C5: variants seen among roughly 807,000 people sequenced by gnomAD.
C5 encodes complement C5, also known as C3 and PZP-like alpha-2-macroglobulin domain-containing protein 4.
In C5, 140 loss-of-function variants were observed where a neutral mutation model predicts 218.8. That is an observed-to-expected ratio of 0.64 (90% CI 0.56 to 0.74). The LOEUF is 0.74. Ranked by LOEUF, C5 falls within the 30% of genes least tolerant of loss-of-function variation. The pLI is 0.00. For synonymous variants in C5, 614 were observed against 682.3 expected (o/e 0.90, Z 1.56); for missense variants, 1,700 against 1,969.6 (o/e 0.86, Z 2.59).
At chr9:121,041,354 G>GAGTGCAGTGGCTTGA (rs2047578938) in intron 3 of C5, among the ~76,000 whole-genome samples, 1 of 126,752 alleles carries the variant, frequency 7.9e-6, no homozygotes, top group African/African-American at 3.1e-5. Context: ...GCCCAGGCTG[G>GAGTGCAGTGGCTTGA]AGTGCAGTGG....
At chr9:121,047,417 A>G (rs542266780) in intron 1 of C5, among the ~76,000 whole-genome samples, 18 of 152,358 alleles carry the variant, frequency 1.2e-4, no homozygotes, top group African/African-American at 4.1e-4. Context: ...TTTTATTTAA[A>G]AACTTACAAA....
At chr9:120,975,041 TC>T in intron 29 of C5, 110 bp from the exon 30 acceptor site, 1 of 1,226,130 alleles carries the variant, frequency 8.2e-7, no homozygotes. Context: ...GAGATGAAAC[TC>T]CAGCTGACTC....
At chr9:120,990,841 AG>A (rs1402692163) in intron 23 of C5, among the ~76,000 whole-genome samples, 2 of 152,248 alleles carry the variant, frequency 1.3e-5, no homozygotes, top group Admixed American at 1.3e-4. Flanking sequence ...GGCCATGTGC[AG>A]GCCATAGGCC....
chr9:120,952,487 A>G lies in C5; in HGVS notation c.*252T>C. ...AGTGGTAGGTTTGAGGAGGTGTTCC[A>G]ATTTATTGTTTCCGGTGTCCAATAA... On this transcript the variant is annotated 3_prime_UTR_variant, in exon 41 of 41. Coordinates refer to ENST00000223642, the MANE Select transcript of C5 (RefSeq NM_001735.3). 4.9e-6 allele frequency: 2 copies of G among 405,050 alleles called. No homozygotes were observed. The highest frequency in any genetic ancestry group is 4.7e-6 in the Non-Finnish European group (1 of 214,990). 25.1% of individuals were successfully genotyped at this position (405,050 alleles called of 1,614,324 possible).
intron 3 of C5, among the ~76,000 whole-genome samples, chr9:121,039,292 T>G (rs1200635600): frequency 6.6e-6 from 1 of 152,224 alleles, no homozygotes; most frequent in Non-Finnish European, 1.5e-5. Flanking sequence ...TAATCTTGTC[T>G]TCACAGCGAT....
chr9:120,959,932 T>C (rs1464962517), intron 38 of C5, among the ~76,000 whole-genome samples: 3 of 152,228 alleles, frequency 2.0e-5, no homozygotes, highest in Non-Finnish European at 4.4e-5. Flanking sequence ...AGAACTGAAA[T>C]CTTATACCTC....
At chr9:120,967,704 T>G (rs2046879141) in intron 33 of C5, among the ~76,000 whole-genome samples, 1 of 152,000 alleles carries the variant, frequency 6.6e-6, no homozygotes, top group African/African-American at 2.4e-5. Flanking sequence ...TTCAAATACC[T>G]ACATATTCTT....
chr9:121,041,296 C>T (rs1457512193), intron 3 of C5, among the ~76,000 whole-genome samples: 1 of 38,598 alleles, frequency 2.6e-5, no homozygotes, highest in Admixed American at 3.3e-4. Context: ...ATACATGAAG[C>T]CTTTTTTTTT....
intron 22 of C5, among the ~76,000 whole-genome samples, chr9:120,991,980 A>C (rs2047080100): frequency 6.6e-6 from 1 of 152,220 alleles, no homozygotes; most frequent in Non-Finnish European, 1.5e-5. Flanking sequence ...AAGGTCCCAG[A>C]AACAATACAA....
intron 4 of C5, among the ~76,000 whole-genome samples, chr9:121,035,988 T>G (rs989745658): frequency 6.6e-6 from 1 of 151,748 alleles, no homozygotes; most frequent in African/African-American, 2.4e-5. Context: ...AGTTTGAGGC[T>G]ACAGTGAGCT....
At chr9:120,980,314 G>T in intron 27 of C5, 60 bp from the exon 28 acceptor site, 1 of 1,435,660 alleles carries the variant, frequency 7.0e-7, no homozygotes, top group South Asian at 1.1e-5. Context: ...CAATTGATAT[G>T]AACTACCCTC....
intron 39 of C5, among the ~76,000 whole-genome samples, chr9:120,954,851 C>T (rs553199643): frequency 1.7e-4 from 26 of 152,328 alleles, no homozygotes; most frequent in African/African-American, 5.3e-4. Flanking sequence ...TCTTAGGCTG[C>T]CCTGATGGTG....
Position 121,025,526 on chromosome 9 carries a change from G to A in C5, c.928C>T (p.Leu310=), listed in dbSNP as rs375870111. The A allele has an allele frequency of 1.6e-4, 263 of 1,612,668 alleles. 1 individual carries two copies. Among genetic ancestry groups the A allele is most frequent in the Non-Finnish European group, 2.0e-4 (236 of 1,179,606 alleles). ...TFDSETAVKE[L]SYYSLEDLNN... is the part of the protein sequence containing the mutation. ...AAATCTTCTAAACTGTAGTATGACA[G>A]TTCTTTGACTGCTGTTTCAGAATCA... The change falls in exon 9 of 41, where the codon CTG becomes TTG. Residue 310 remains leucine, a synonymous_variant. Transcript: ENST00000223642.
intron 7 of C5, among the ~76,000 whole-genome samples, chr9:121,028,372 C>T (rs539447349): frequency 4.6e-5 from 7 of 152,310 alleles, no homozygotes; most frequent in Admixed American, 2.0e-4. Flanking sequence ...ATAAATCATG[C>T]TGCTATAAAG....
rs369015641 is a variant in C5, at chr9:121,032,192, A to G, written c.588T>C (p.Tyr196=). 8 of 1,578,310 alleles carry G rather than the reference A, an allele frequency of 5.1e-6. No individual in the cohort carries two copies. Among genetic ancestry groups the G allele is most frequent in the African/African-American group, 1.3e-5 (1 of 74,286 alleles). ...ATTTAGCCTTGATCGTCCACATACC[A>G]TATCTGTGGAAGCAAAATATTTAAA... ...PDFKIPSNPR[Y]GMWTIKAKYK... The change falls in exon 6 of 41, where the codon TAT becomes TAC. Residue 196 remains tyrosine (Y), a synonymous_variant. Transcript: ENST00000223642.
chr9:121,009,575 A>G (rs2047244682), intron 17 of C5, among the ~76,000 whole-genome samples: 1 of 152,210 alleles, frequency 6.6e-6, no homozygotes, highest in Admixed American at 6.5e-5. Flanking sequence ...AAAACGAAAA[A>G]ATATATGAGA....
chr9:120,970,997 C>T (rs893790972), intron 31 of C5, among the ~76,000 whole-genome samples: 1 of 151,894 alleles, frequency 6.6e-6, no homozygotes, highest in Non-Finnish European at 1.5e-5. Flanking sequence ...CATGGTGAAA[C>T]TCCGTCTCTA....
intron 5 of C5, among the ~76,000 whole-genome samples, chr9:121,033,978 T>C (rs975137115): frequency 6.6e-6 from 1 of 151,540 alleles, no homozygotes; most frequent in African/African-American, 2.4e-5. Flanking sequence ...TGGAGTGCAG[T>C]GGCATGATCT....
Position 121,018,850 on chromosome 9 carries a change from C to A in C5, c.1507-998G>T, listed in dbSNP as rs969312877. Among the ~76,000 whole-genome samples, 4 of 151,872 alleles carry A rather than the reference C, an allele frequency of 2.6e-5. No individual in the cohort carries two copies. The East Asian group carries it at 7.7e-4, about 29-fold the overall frequency. ...GCCTACTATGTGCCAGGAACTTTAA[C>A]ATGTATTTAACTCCTTTCATTCTCA... On this transcript the variant is annotated intron_variant, in intron 12 of 40. Transcript: ENST00000223642.
Sources: allele counts gnomAD v4.1 joint callset (sites outside exome capture counted in the v4.1 genomes callset), GRCh38; gene constraint gnomAD v4.1.1; transcripts MANE v1.5; gene names NCBI Gene and HGNC (gene_info 2026-07-23, HGNC 2026-07-21).